DCTN4: variants seen among roughly 807,000 people sequenced by gnomAD.
DCTN4 encodes the protein dynactin 4 (p62).
A neutral mutation model predicts 62.7 loss-of-function variants in DCTN4; 23 were observed. That is an observed-to-expected ratio of 0.37 (90% CI 0.26 to 0.52). The LOEUF (loss-of-function observed/expected upper bound fraction) is 0.52, where lower values mean the gene tolerates loss of function less well. DCTN4 is among the 20% of genes least tolerant of loss of function. The pLI is 0.92. For missense variants in DCTN4, 514 were observed against 580.4 expected (o/e 0.89, Z 1.18); for synonymous variants, 199 against 202.1 (o/e 0.98, Z 0.13).
chr5:150,745,465 C>CA (rs1449101899), intron 3 of DCTN4, among the ~76,000 whole-genome samples: 5 of 152,126 alleles, frequency 3.3e-5, no homozygotes, highest in Admixed American at 1.3e-4. Context: ...CAGAACTCTC[C>CA]ACCCCAAATC....
Position 150,711,182 on chromosome 5 carries a change from A to T in DCTN4, c.1350T>A (p.His450Gln), listed in dbSNP as rs1759547779. 6.2e-7 allele frequency: 1 copy of T among 1,612,422 alleles called. No individual in the cohort carries two copies. Among genetic ancestry groups the T allele is most frequent in the Admixed American group, 1.7e-5 (1 of 60,014 alleles). The change falls in exon 13 of 13, where the codon CAT (histidine) becomes CAA (glutamine). Residue 450 changes from histidine to glutamine, a missense_variant. His to Gln is a conservative substitution (Grantham distance 24). Transcript: ENST00000447998. ...QGTEVIWLTQHVELSLGPLLP is the reference protein window; with the variant it reads ...QGTEVIWLTQQVELSLGPLLP ...GAAGTGGGCCCAAGCTAAGTTCCAC[A>T]TGCTGGGTGAGCCAGATGACTTCTG...
chr5:150,748,953 G>C (rs1752565546), intron 3 of DCTN4, among the ~76,000 whole-genome samples: 1 of 151,296 alleles, frequency 6.6e-6, no homozygotes, highest in Non-Finnish European at 1.5e-5. Flanking sequence ...GAAAAAAAAA[G>C]AAAAAAAGAA....
chr5:150,732,491 G>A (rs1406370641), intron 5 of DCTN4, among the ~76,000 whole-genome samples: 1 of 152,158 alleles, frequency 6.6e-6, no homozygotes, highest in Non-Finnish European at 1.5e-5. Context: ...AACCCTTAGG[G>A]TTTCAATGAC....
intron 4 of DCTN4, 25 bp downstream of exon 4, chr5:150,742,089 C>T (rs764950835): frequency 6.2e-7 from 1 of 1,611,858 alleles, no homozygotes; most frequent in Non-Finnish European, 8.5e-7. Context: ...ATTTCATCCT[C>T]TCTCTCTTAT....
intron 12 of DCTN4, among the ~76,000 whole-genome samples, chr5:150,713,525 C>A (rs1297159365): frequency 6.6e-6 from 1 of 150,660 alleles, no homozygotes; most frequent in Non-Finnish European, 1.5e-5. Flanking sequence ...TTCACTGCAA[C>A]CCCCGCCCCT....
chr5:150,742,069 A>AT (rs1561704103), intron 4 of DCTN4, 45 bp downstream of exon 4: 2 of 1,574,844 alleles, frequency 1.3e-6, no homozygotes, highest in Admixed American at 1.7e-5. Flanking sequence ...CTTTTACTCA[A>AT]TTTTTTCCGA....
chr5:150,757,558 C>T (rs949952020), intron 1 of DCTN4, among the ~76,000 whole-genome samples: 1 of 152,088 alleles, frequency 6.6e-6, no homozygotes, highest in African/African-American at 2.4e-5. Context: ...ACTGAGCACT[C>T]TATTCACCAC....
At chr5:150,714,305 G>A (rs758899848) in intron 12 of DCTN4, among the ~76,000 whole-genome samples, 2 of 152,138 alleles carry the variant, frequency 1.3e-5, no homozygotes, top group Non-Finnish European at 2.9e-5. Flanking sequence ...AAGTCTGGAG[G>A]AGGAAGGGTC....
intron 3 of DCTN4, among the ~76,000 whole-genome samples, chr5:150,743,421 C>T (rs368308446): frequency 1.1e-4 from 17 of 152,342 alleles, no homozygotes; most frequent in East Asian, 9.7e-4. Context: ...TTAAATGTCC[C>T]TGTCTGACAG....
chr5:150,743,356 C>T (rs1760840310), intron 3 of DCTN4, among the ~76,000 whole-genome samples: 1 of 152,242 alleles, frequency 6.6e-6, no homozygotes, highest in African/African-American at 2.4e-5. Flanking sequence ...CTGTAGGCTC[C>T]ACCTCTCGGG....
rs1752963203 is a variant in DCTN4, at chr5:150,758,954, C to T, written c.40G>A (p.Val14Ile). 3.1e-6 allele frequency: 5 copies of T among 1,614,014 alleles called. No homozygotes were observed. Among genetic ancestry groups the T allele is most frequent in the African/African-American group, 1.3e-5 (1 of 74,906 alleles). ...LLQSDRVLYL[V>I]QGEKKVRAPL... ...GCCCGAACCTTCTTTTCTCCCTGGA[C>T]TAGATAGAGAACCCGGTCCGACTGC... Residue 14 changes from valine (V) to isoleucine (I), a missense_variant, in exon 1 of 13, where the codon GTC (valine) becomes ATC (isoleucine). Coordinates refer to ENST00000447998, the MANE Select transcript of DCTN4 (RefSeq NM_016221.4).
Position 150,711,044 on chromosome 5 carries a change from T to A in DCTN4, c.*105A>T. 3 of 1,091,322 alleles carry A rather than the reference T, an allele frequency of 2.7e-6. No individual in the cohort carries two copies. The highest frequency in any genetic ancestry group is 4.0e-6 in the Non-Finnish European group (3 of 742,340). 67.6% of individuals were successfully genotyped at this position (1,091,322 alleles called of 1,614,324 possible). On this transcript the variant is annotated 3_prime_UTR_variant, in exon 13 of 13. Transcript: ENST00000447998. ...CTTAGCAATAGAATTCCGTAGTGCA[T>A]GGGTACATCGTTATAAACAAGGCCT...
Position 150,743,579 on chromosome 5 carries a change from G to A in DCTN4, c.386-1422C>T, listed in dbSNP as rs534674710. On this transcript the variant is annotated intron_variant, in intron 3 of 12. Coordinates refer to ENST00000447998, the MANE Select transcript of DCTN4 (RefSeq NM_016221.4). ...TAGGGGCAGACTGACACCTCACACG[G>A]CCGGGTACTCCTCTGAGACAAAACT... Among the ~76,000 whole-genome samples, 180 of 152,216 alleles carry A rather than the reference G, an allele frequency of 1.2e-3. 2 individuals are homozygous for A. Among genetic ancestry groups the A allele is most frequent in the African/African-American group, 4.1e-3 (171 of 41,534 alleles).
At position 150,750,721 on chromosome 5, in the gene DCTN4, C is replaced by T. The variant is rs76598248; in HGVS notation, c.385+2758G>A. 3.3e-3 allele frequency among the ~76,000 whole-genome samples: 506 copies of T among 152,186 alleles called. 15 individuals are homozygous for T. The South Asian group carries it at 0.051, about 15-fold the overall frequency. On this transcript the variant is annotated intron_variant, in intron 3 of 12. Transcript: ENST00000447998. ...AATGTTATTTGTTTGTGGCTGCATACATATGTGGAGAAGTATAAAGACATG... is the reference window on the plus strand; with the variant it reads ...AATGTTATTTGTTTGTGGCTGCATATATATGTGGAGAAGTATAAAGACATG...
At chr5:150,724,330 A>AT (rs1760063233) in intron 8 of DCTN4, among the ~76,000 whole-genome samples, 1 of 152,120 alleles carries the variant, frequency 6.6e-6, no homozygotes, top group Non-Finnish European at 1.5e-5. Context: ...CGATTTGCTG[A>AT]TATTAACAAT....
intron 9 of DCTN4, among the ~76,000 whole-genome samples, chr5:150,722,110 G>A (rs1438458588): frequency 1.3e-5 from 2 of 152,198 alleles, no homozygotes; most frequent in East Asian, 3.8e-4. Context: ...ACAAGTGTGA[G>A]CCACTGCACC....
At chr5:150,747,493 G>A (rs886972629) in intron 3 of DCTN4, among the ~76,000 whole-genome samples, 12 of 152,146 alleles carry the variant, frequency 7.9e-5, no homozygotes, top group Non-Finnish European at 1.5e-4. Context: ...TCAATCCTAA[G>A]CCAAAAGAAC....
chr5:150,741,505 C>T (rs1760769493), intron 4 of DCTN4, among the ~76,000 whole-genome samples: 1 of 151,876 alleles, frequency 6.6e-6, no homozygotes, highest in Admixed American at 6.6e-5. Context: ...TTTTGAGACA[C>T]AGCCTTGCTC....
intron 12 of DCTN4, among the ~76,000 whole-genome samples, chr5:150,713,120 A>T (rs73278023): frequency 0.055 from 8,378 of 152,308 alleles, 801 homozygotes; most frequent in African/African-American, 0.19. Context: ...TTTGTATTAC[A>T]GTAACTAACC....
Sources: gnomAD v4.1 joint callset for allele counts (sites outside exome capture counted in the v4.1 genomes callset) on GRCh38, gnomAD v4.1.1 for gene constraint, MANE v1.5 for transcripts, NCBI Gene and HGNC (gene_info 2026-07-23, HGNC 2026-07-21) for gene names.